Variants in ELMO2 observed in about 807,000 individuals in gnomAD.
ELMO2 encodes the protein engulfment and cell motility protein 2.
Under a neutral mutation model 96.2 loss-of-function variants are expected in ELMO2, and 37 were observed. The ratio of observed to expected loss-of-function variants is 0.38; its 90% CI spans 0.30 to 0.51. The LOEUF (loss-of-function observed/expected upper bound fraction) is 0.51, where lower values mean the gene tolerates loss of function less well. ELMO2 is among the 20% of genes least tolerant of loss of function. ELMO2 has a pLI of 0.88. For synonymous variants in ELMO2, 315 were observed against 329.4 expected (o/e 0.96, Z 0.47); for missense variants, 561 against 912.6 (o/e 0.61, Z 4.96).
Position 46,370,290 on chromosome 20 carries a change from G to A in ELMO2, c.1884+153C>T, listed in dbSNP as rs553304662. 6.2e-5 allele frequency: 46 copies of A among 744,862 alleles called. 2 individuals carry two copies. The allele number at this position is 744,862 out of a possible 1,614,324, so 46.1% of individuals were successfully genotyped here. ...GAGTCTGGGTGATGTGTATACAGAG[G>A]TTCCATCTATTTTTGTGTATGTTCA... is the stretch of plus-strand genomic sequence containing the variant. On this transcript the variant is annotated intron_variant, in intron 20 of 21. Coordinates refer to ENST00000290246, the MANE Select transcript of ELMO2 (RefSeq NM_133171.5).
chr20:46,393,590 G>A lies in ELMO2; in HGVS notation c.131C>T (p.Pro44Leu). 1 of 1,613,754 alleles carries A rather than the reference G, an allele frequency of 6.2e-7. No homozygotes were observed. Among genetic ancestry groups the A allele is most frequent in the Non-Finnish European group, 8.5e-7 (1 of 1,180,030 alleles). The change falls in exon 5 of 22, where the codon CCA (proline) becomes CTA (leucine). Residue 44 changes from proline (P) to leucine (L), a missense_variant. Transcript: ENST00000290246. The stretch of plus-strand genomic sequence containing the variant: ...ACGGAGGGTATAATACTCTGGGTTT[G>A]GCAACGACCACCTATGCAAGAGAAA... ...IKEVCDGWSL[P>L]NPEYYTLRYA...
At position 46,366,246 on chromosome 20, in the gene ELMO2, C is replaced by G. The variant is rs561234102; in HGVS notation, c.*1114G>C. ...TATATACACGTCTGTATAAGTATGG[C>G]CTATAGTAATGAAAATATATAGTAC... On this transcript the variant is annotated 3_prime_UTR_variant, in exon 22 of 22. Transcript: ENST00000290246. 2 of 152,548 alleles carry G rather than the reference C, an allele frequency of 1.3e-5. No individual in the cohort carries two copies. The highest frequency in any genetic ancestry group is 2.9e-5 in the Non-Finnish European group (2 of 68,034). The allele number at this position is 152,548 out of a possible 1,614,324, so 9.4% of individuals were successfully genotyped here.
intron 6 of ELMO2, among the ~76,000 whole-genome samples, chr20:46,391,939 CTG>C (rs1162428117): frequency 3.3e-5 from 5 of 152,206 alleles, no homozygotes; most frequent in Admixed American, 2.6e-4. Flanking sequence ...ATCACCTTCT[CTG>C]TGTTTTCTTT....
chr20:46,404,516 C>G (rs1022579087), intron 1 of ELMO2, among the ~76,000 whole-genome samples: 2 of 152,134 alleles, frequency 1.3e-5, no homozygotes, highest in Non-Finnish European at 2.9e-5. Flanking sequence ...GAATTATCCC[C>G]GGCAGGCAAC....
Position 46,406,071 on chromosome 20 carries a change from G to A in ELMO2, c.-126+477C>T, listed in dbSNP as rs1322670232. Among the ~76,000 whole-genome samples, 23 of 152,172 alleles carry A rather than the reference G, an allele frequency of 1.5e-4. 1 individual carries two copies. The highest frequency in any genetic ancestry group is 1.5e-3 in the Admixed American group (23 of 15,284). ...AGTACATGCACCGGGGTGCTACTGA[G>A]CCAGCAGGATCCACGGGGCGGACTG... On this transcript the variant is annotated intron_variant, in intron 1 of 21. Transcript: ENST00000290246.
intron 16 of ELMO2, among the ~76,000 whole-genome samples, chr20:46,372,578 C>T (rs981574277): frequency 6.6e-6 from 1 of 152,158 alleles, no homozygotes; most frequent in Admixed American, 6.5e-5. Context: ...TTGCAGTGAG[C>T]CGAGACAGTG....
In ELMO2 at chr20:46,367,432, G is replaced by A. The variant is rs370400358; in HGVS notation, c.2091C>T (p.Ile697=). 1.9e-6 allele frequency: 3 copies of A among 1,613,156 alleles called. No homozygotes were observed. Among genetic ancestry groups the A allele is most frequent in the Middle Eastern group, 1.7e-4 (1 of 6,014 alleles). The change falls in exon 22 of 22, where the codon ATC becomes ATT. Residue 697 remains isoleucine, a synonymous_variant. Transcript: ENST00000290246. ...MKLRLLDLEN[I]QIPEAPPPIP... ...TGGGGGGTGGGGCTTCGGGAATCTG[G>A]ATGTTCTCCAGGTCCAGGAGCCGCA...
chr20:46,375,572 T>C lies in ELMO2; in HGVS notation c.930+96A>G. 6.4e-7 allele frequency: 1 copy of C among 1,563,184 alleles called. No homozygotes were observed. Among genetic ancestry groups the C allele is most frequent in the Non-Finnish European group, 8.7e-7 (1 of 1,143,950 alleles). ...ATTTTCTAGGGCAGATGCAAACTAC[T>C]TCTGCAGACAAAGACCAAGCACAGT... On this transcript the variant is annotated intron_variant, in intron 12 of 21. Transcript: ENST00000290246. The surrounding 1 kb of genome is among the most constrained non-coding windows in gnomAD (Gnocchi z 4.6).
chr20:46,381,930 T>C (rs2059964076), intron 10 of ELMO2, among the ~76,000 whole-genome samples: 1 of 152,254 alleles, frequency 6.6e-6, no homozygotes, highest in Non-Finnish European at 1.5e-5. Flanking sequence ...TTTCTGAGTC[T>C]GGTCTGCCCT....
chr20:46,386,046 A>G, intron 9 of ELMO2, 78 bp downstream of exon 9: 1 of 1,490,872 alleles, frequency 6.7e-7, no homozygotes, highest in Non-Finnish European at 9.1e-7. Context: ...AAAGGAGAGT[A>G]GGATTGGAAG....
At position 46,375,719 on chromosome 20, in the gene ELMO2, G is replaced by A. The variant is rs1568756077; in HGVS notation, c.879C>T (p.Thr293=). The A allele has an allele frequency of 3.1e-6, 5 of 1,614,216 alleles. No individual in the cohort carries two copies. Among genetic ancestry groups the A allele is most frequent in the Admixed American group, 3.3e-5 (2 of 60,036 alleles). ...AHQLYVLQVL[T]FNLLEERMMT... ...TCATCCTTTCTTCCAGAAGGTTAAA[G>A]GTTAGGACTTGAAGGACATATAGCT... The change falls in exon 12 of 22, where the codon ACC becomes ACT. Residue 293 remains threonine (T), a synonymous_variant. Transcript: ENST00000290246. This position sits in a 1 kb window ranked among gnomAD's most constrained non-coding sequence, Gnocchi z 4.6.
At position 46,393,081 on chromosome 20, in the gene ELMO2, A is replaced by C. The variant is rs1203318449; in HGVS notation, c.243+12T>G. The C allele has an allele frequency of 6.2e-7, 1 of 1,613,110 alleles. No homozygotes were observed. Among genetic ancestry groups the C allele is most frequent in the South Asian group, 1.1e-5 (1 of 91,048 alleles). ...GACATGAATAAACTCCTAAGGAAGAAAGAATACCTACCGGGGAGATAGCCA... is the reference window on the plus strand; with the variant it reads ...GACATGAATAAACTCCTAAGGAAGACAGAATACCTACCGGGGAGATAGCCA... On this transcript the variant is annotated intron_variant, in intron 6 of 21. Transcript: ENST00000290246.
At chr20:46,386,100 G>T (rs762643179) in intron 9 of ELMO2, 24 bp downstream of exon 9, 15 of 1,604,436 alleles carry the variant, frequency 9.3e-6, no homozygotes, top group Middle Eastern at 1.7e-4. Context: ...GTGAAGGGAG[G>T]GAGGTGTAGG....
chr20:46,386,284 A>C lies in ELMO2; in HGVS notation c.526-9T>G, dbSNP rs1419870958. 3 of 1,613,334 alleles carry C rather than the reference A, an allele frequency of 1.9e-6. No individual in the cohort carries two copies. The highest frequency in any genetic ancestry group is 2.5e-6 in the Non-Finnish European group (3 of 1,179,648). ...CTCACATACCCTGCAATCTAGACCC[A>C]GAGATGGCACATCAATTGAGAAGCT... On this transcript the variant is annotated splice_polypyrimidine_tract_variant and intron_variant, in intron 8 of 21. Transcript: ENST00000290246.
chr20:46,393,384 G>T, intron 5 of ELMO2, 145 bp downstream of exon 5: 1 of 1,002,172 alleles, frequency 1.0e-6, no homozygotes, highest in Non-Finnish European at 1.5e-6. Context: ...ACAAGGGCTG[G>T]TGTTTCCCAG....
Position 46,371,722 on chromosome 20 carries a change from A to G in ELMO2, c.1581-31T>C. 1.2e-6 allele frequency: 2 copies of G among 1,613,778 alleles called. No homozygotes were observed. Among genetic ancestry groups the G allele is most frequent in the Non-Finnish European group, 1.7e-6 (2 of 1,179,906 alleles). ...GTGGACACACACTGGAGTGAGCGGA[A>G]GGTCATGGGGACAGTGGAGCTCTGG... On this transcript the variant is annotated intron_variant, in intron 17 of 21. Transcript: ENST00000290246. The surrounding 1 kb of genome is among the most constrained non-coding windows in gnomAD (Gnocchi z 5.9).
At chr20:46,398,956 T>C (rs1032695304) in intron 1 of ELMO2, among the ~76,000 whole-genome samples, 185 bp from the exon 2 acceptor site, 1 of 152,222 alleles carries the variant, frequency 6.6e-6, no homozygotes, top group Non-Finnish European at 1.5e-5. Flanking sequence ...TAAGGCACTA[T>C]TTTAAGGGCT....
In ELMO2 at chr20:46,367,273, C is replaced by G; in HGVS notation, c.*87G>C. The G allele has an allele frequency of 7.8e-7, 1 of 1,283,858 alleles. No individual in the cohort carries two copies. The highest frequency in any genetic ancestry group is 2.8e-5 in the East Asian group (1 of 36,182). 79.5% of individuals were successfully genotyped at this position (1,283,858 alleles called of 1,614,324 possible). A position where few individuals can be genotyped will look rare whatever the true frequency, so the allele number is the denominator to read the frequency against. ...CACCAAAATCACTACAGATTCTGTA[C>G]AAGCAAAAGACAAGGCACCAGAATG... On this transcript the variant is annotated 3_prime_UTR_variant, in exon 22 of 22. Coordinates refer to ENST00000290246, the MANE Select transcript of ELMO2 (RefSeq NM_133171.5).
In ELMO2 at chr20:46,393,411, C is replaced by T. The variant is rs1473829635; in HGVS notation, c.192+118G>A. On this transcript the variant is annotated intron_variant, in intron 5 of 21. Transcript: ENST00000290246. ...GTTTCCCAGTCTGTCCGGAGAGTGACTCTTTACCCAACACATGGAAGCTAC... is the reference window on the plus strand; with the variant it reads ...GTTTCCCAGTCTGTCCGGAGAGTGATTCTTTACCCAACACATGGAAGCTAC... 6 of 1,170,038 alleles carry T rather than the reference C, an allele frequency of 5.1e-6. No individual in the cohort carries two copies. The African/African-American group carries it at 7.7e-5, about 15-fold the overall frequency. The allele number at this position is 1,170,038 out of a possible 1,614,324, so 72.5% of individuals were successfully genotyped here.
Sources: gnomAD v4.1 joint callset for allele counts (sites outside exome capture counted in the v4.1 genomes callset) on GRCh38, gnomAD v4.1.1 for gene constraint, Gnocchi (gnomAD v3.1) non-coding constraint, MANE v1.5 for transcripts, NCBI Gene and HGNC (gene_info 2026-07-23, HGNC 2026-07-21) for gene names.